The following CREBBP variants were observed in gnomAD, a reference collection of about 807,000 sequenced individuals.
CREBBP encodes CREB-binding protein.
In CREBBP, 19 loss-of-function variants were observed where a neutral mutation model predicts 265.0. The observed-to-expected ratio is 0.07, with a 90% CI of 0.05 to 0.11. The LOEUF (loss-of-function observed/expected upper bound fraction) is 0.11. Ranked by LOEUF, CREBBP falls within the 10% of genes least tolerant of loss-of-function variation. CREBBP has a pLI of 1.00. For missense variants in CREBBP, 2,525 were observed against 3,219.0 expected (o/e 0.78, Z 5.22); for synonymous variants, 1,457 against 1,223.7 (o/e 1.19, Z -3.98).
intron 2 of CREBBP, among the ~76,000 whole-genome samples, chr16:3,812,346 T>G (rs2053955007): frequency 6.6e-6 from 1 of 151,826 alleles, no homozygotes; most frequent in South Asian, 2.1e-4. Context: ...ACCCAGCTAA[T>G]TTTTGTATTT....
intron 5 of CREBBP, among the ~76,000 whole-genome samples, chr16:3,790,467 C>T (rs2053482313): frequency 1.3e-5 from 2 of 149,722 alleles, no homozygotes; most frequent in Non-Finnish European, 1.5e-5. Context: ...CTCCACCTCC[C>T]AGGTTTAAGT....
intron 1 of CREBBP, among the ~76,000 whole-genome samples, chr16:3,874,478 C>G (rs1484850669): frequency 6.6e-6 from 1 of 152,222 alleles, no homozygotes; most frequent in Admixed American, 6.5e-5. Context: ...GTCTTTACAA[C>G]TAGAGTTTTA....
At chr16:3,744,649 G>T (rs930225138) in intron 23 of CREBBP, among the ~76,000 whole-genome samples, 1 of 152,188 alleles carries the variant, frequency 6.6e-6, no homozygotes, top group African/African-American at 2.4e-5. Flanking sequence ...GGGACTCACA[G>T]CTGTGCTGCC....
chr16:3,837,033 T>G (rs917004422), intron 2 of CREBBP, among the ~76,000 whole-genome samples: 1 of 152,230 alleles, frequency 6.6e-6, no homozygotes, highest in African/African-American at 2.4e-5. Context: ...GTTTATGTAT[T>G]TACTACACTT....
chr16:3,806,066 C>T (rs562991291), intron 3 of CREBBP, among the ~76,000 whole-genome samples: 10 of 152,308 alleles, frequency 6.6e-5, no homozygotes, highest in African/African-American at 2.4e-4. Flanking sequence ...CTGCCAGTCA[C>T]TCGGATGCAG....
chr16:3,728,658 T>A lies in CREBBP; in HGVS notation c.6389A>T (p.Gln2130Leu), dbSNP rs749413614. 6.2e-7 allele frequency: 1 copy of A among 1,613,488 alleles called. No homozygotes were observed. The stretch of plus-strand genomic sequence containing the variant: ...GCTGGGCTGCTGGTGCATGCCAGGC[T>A]GGGGTTGCATGCCGGGCTGGGACTG... ...GLQSQPGMQP[Q>L]PGMHQQPSLQ... is the part of the protein sequence containing the mutation. The change falls in exon 31 of 31, where the codon CAG (glutamine) becomes CTG (leucine). Residue 2130 changes from glutamine (Q) to leucine (L), a missense_variant. By Grantham distance (113) the Gln-to-Leu change is moderately radical. Transcript: ENST00000262367. The surrounding 1 kb of genome is among the most constrained non-coding windows in gnomAD (Gnocchi z 8.7).
intron 1 of CREBBP, among the ~76,000 whole-genome samples, chr16:3,857,554 C>A (rs981815988): frequency 2.0e-5 from 3 of 152,180 alleles, no homozygotes; most frequent in Non-Finnish European, 4.4e-5. Context: ...AGTGTCCCAA[C>A]ACATGGGTTA....
rs2053176421 is a variant in CREBBP, at chr16:3,777,662, G to A, written c.2114-5C>T. The stretch of plus-strand genomic sequence containing the variant: ...CTGGCAGGGACAGGGGTCCATCTAT[G>A]GTGGCAAAACAAAAACAAAAACAAA... On this transcript the variant is annotated splice_region_variant and splice_polypyrimidine_tract_variant and intron_variant, in intron 10 of 30. Coordinates refer to ENST00000262367, the MANE Select transcript of CREBBP (RefSeq NM_004380.3). 6.2e-7 allele frequency: 1 copy of A among 1,613,780 alleles called. No individual in the cohort carries two copies. The highest frequency in any genetic ancestry group is 8.5e-7 in the Non-Finnish European group (1 of 1,179,994).
chr16:3,859,293 A>T (rs2055025419), intron 1 of CREBBP, among the ~76,000 whole-genome samples: 1 of 152,108 alleles, frequency 6.6e-6, no homozygotes, highest in African/African-American at 2.4e-5. Flanking sequence ...CCCGGATTCA[A>T]ACAATTCTTC....
At chr16:3,849,469 GTGTGTGTGTGTGTGT>G (rs1226246545) in intron 2 of CREBBP, among the ~76,000 whole-genome samples, 22 of 128,238 alleles carry the variant, frequency 1.7e-4, no homozygotes, top group Non-Finnish European at 2.7e-4. Flanking sequence ...GTGTGTGTGT[GTGTGTGTGTGTGTGT>G]GTGTGATGTG....
intron 2 of CREBBP, among the ~76,000 whole-genome samples, chr16:3,822,001 G>A (rs1314922758): frequency 2.0e-5 from 3 of 152,158 alleles, no homozygotes; most frequent in Non-Finnish European, 4.4e-5. Context: ...GTTGCAGTGA[G>A]CCAAGATTGC....
At chr16:3,868,715 C>CA (rs2055230155) in intron 1 of CREBBP, among the ~76,000 whole-genome samples, 1 of 152,116 alleles carries the variant, frequency 6.6e-6, no homozygotes, top group African/African-American at 2.4e-5. Context: ...TCCTTCCAGT[C>CA]AGACATCGAG....
chr16:3,832,239 G>T (rs1425256377), intron 2 of CREBBP, among the ~76,000 whole-genome samples: 1 of 151,992 alleles, frequency 6.6e-6, no homozygotes, highest in Admixed American at 6.6e-5. Flanking sequence ...CGCTTCACTG[G>T]TGAATTTTAT....
chr16:3,758,099 T>A (rs780474750), intron 17 of CREBBP, 51 bp from the exon 18 acceptor site: 1 of 1,600,268 alleles, frequency 6.2e-7, no homozygotes, highest in South Asian at 1.1e-5. Context: ...AATATCCAAA[T>A]GCCAGTCTCA....
At chr16:3,773,509 A>ATT in intron 13 of CREBBP, 1 of 542,658 alleles carries the variant, frequency 1.8e-6, no homozygotes, top group East Asian at 3.1e-5. Flanking sequence ...AAGCATACAA[A>ATT]CCAAAAATTC....
intron 13 of CREBBP, among the ~76,000 whole-genome samples, chr16:3,772,072 G>C (rs2053024040): frequency 6.6e-6 from 1 of 152,028 alleles, no homozygotes; most frequent in East Asian, 1.9e-4. Flanking sequence ...CTCAGAAAGT[G>C]AAATGACAGA....
intron 5 of CREBBP, among the ~76,000 whole-genome samples, chr16:3,788,806 G>C (rs113787989): frequency 4.6e-5 from 7 of 152,278 alleles, no homozygotes; most frequent in Non-Finnish European, 7.4e-5. Context: ...ACAAAAATTA[G>C]CCAGGTATGG....
chr16:3,751,960 CAG>C (rs2052484408), intron 19 of CREBBP, 154 bp from the exon 20 acceptor site: 11 of 723,390 alleles, frequency 1.5e-5, no homozygotes, highest in Non-Finnish European at 2.5e-5. Context: ...ATGAAAGGAA[CAG>C]GGGGCAGGTG....
chr16:3,875,165 T>C (rs1432597104), intron 1 of CREBBP, among the ~76,000 whole-genome samples: 1 of 152,210 alleles, frequency 6.6e-6, no homozygotes, highest in African/African-American at 2.4e-5. Flanking sequence ...TGTTCAATTC[T>C]GTTTACAGAA....
Sources: gnomAD v4.1 joint callset for allele counts (sites outside exome capture counted in the v4.1 genomes callset) on GRCh38, gnomAD v4.1.1 for gene constraint, Gnocchi (gnomAD v3.1) non-coding constraint, MANE v1.5 for transcripts, NCBI Gene and HGNC (gene_info 2026-07-23, HGNC 2026-07-21) for gene names.